ARNT2: variants seen among roughly 807,000 people sequenced by gnomAD.
The protein encoded by ARNT2 is ARNT protein 2.
A neutral mutation model predicts 91.7 loss-of-function variants in ARNT2; 36 were observed. The ratio of observed to expected loss-of-function variants is 0.39; its 90% CI spans 0.30 to 0.52. ARNT2 has a LOEUF of 0.52. Among genes scored for constraint, ARNT2 ranks in the 20% least tolerant of loss-of-function variants. The pLI, the probability that ARNT2 is intolerant of heterozygous loss-of-function variation, is 0.72. For missense variants in ARNT2, 775 were observed against 939.3 expected (o/e 0.83, Z 2.29); for synonymous variants, 365 against 347.1 (o/e 1.05, Z -0.57).
intron 1 of ARNT2, among the ~76,000 whole-genome samples, chr15:80,424,754 C>G (rs576927395): frequency 6.9e-6 from 1 of 144,908 alleles, no homozygotes; most frequent in East Asian, 2.0e-4. Flanking sequence ...ACAGTTTATA[C>G]TGTTTTCTTC....
chr15:80,444,667 T>C (rs1420004568), intron 1 of ARNT2: 2 of 151,706 alleles, frequency 1.3e-5, no homozygotes, highest in Non-Finnish European at 2.9e-5. Flanking sequence ...GTGTGAGTGG[T>C]GTGTGTAGGT....
Position 80,591,723 on chromosome 15 carries a change from G to A in ARNT2, c.2055+19G>A, listed in dbSNP as rs540496512. On this transcript the variant is annotated intron_variant, in intron 18 of 18. Coordinates refer to ENST00000303329, the MANE Select transcript of ARNT2 (RefSeq NM_014862.4). The surrounding 1 kb of genome is among the most constrained non-coding windows in gnomAD (Gnocchi z 5.1). ...GTTCCAGGTAAATCGAGCGAGCACC[G>A]CCTTCTCGTAGGTACCGGCGCCTTC... 8.1e-6 allele frequency: 13 copies of A among 1,613,526 alleles called. No homozygotes were observed. The highest frequency in any genetic ancestry group is 1.7e-4 in the Middle Eastern group (1 of 6,050).
At chr15:80,469,520 CTTATAT>C (rs1449959677) in intron 3 of ARNT2, among the ~76,000 whole-genome samples, 2 of 150,328 alleles carry the variant, frequency 1.3e-5, no homozygotes, top group Admixed American at 1.3e-4. Flanking sequence ...ATATTACATA[CTTATAT>C]TTATATATTA....
At chr15:80,490,089 T>A (rs953167975) in intron 5 of ARNT2, among the ~76,000 whole-genome samples, 1 of 152,122 alleles carries the variant, frequency 6.6e-6, no homozygotes, top group African/African-American at 2.4e-5. Context: ...CACACACTTT[T>A]GTAAGCACTC....
intron 1 of ARNT2, 134 bp from the exon 2 acceptor site, chr15:80,450,746 G>C: frequency 1.2e-6 from 1 of 838,966 alleles, no homozygotes. Context: ...AGCTGATGAT[G>C]GCAGAGCGGC....
intron 8 of ARNT2, among the ~76,000 whole-genome samples, chr15:80,547,916 T>G (rs1405359040): frequency 6.6e-6 from 1 of 152,150 alleles, no homozygotes; most frequent in African/African-American, 2.4e-5. Flanking sequence ...GTAAAAGATC[T>G]ATCTAAAGTG....
chr15:80,520,866 C>T (rs1009377303), intron 8 of ARNT2, among the ~76,000 whole-genome samples: 2 of 152,130 alleles, frequency 1.3e-5, no homozygotes, highest in African/African-American at 4.8e-5. Flanking sequence ...CTTGTGGCTG[C>T]AGAGTTTACC....
At chr15:80,576,116 A>G (rs1898669268) in intron 14 of ARNT2, among the ~76,000 whole-genome samples, 1 of 152,102 alleles carries the variant, frequency 6.6e-6, no homozygotes, top group African/African-American at 2.4e-5. Flanking sequence ...CCAAGGTTGC[A>G]CCTCTTACCT....
chr15:80,470,415 C>A lies in ARNT2; in HGVS notation c.392C>A (p.Ser131Tyr). Reference protein sequence around the residue: ...NKSTDGAYKPSFLTEQELKHL... With the variant: ...NKSTDGAYKPYFLTEQELKHL... ...TCCACCGATGGCGCGTACAAGCCTT[C>A]CTTCCTCACAGAGCAGGTACCCTGG... Residue 131 changes from serine (S) to tyrosine (Y), a missense_variant, in exon 4 of 19, where the codon TCC becomes TAC. By Grantham distance (144) the Ser-to-Tyr change is moderately radical (BLOSUM62 -2). This residue lies in a region of ARNT2 where 83 missense variants were observed against 149.4 expected (regional missense o/e 0.56). Transcript: ENST00000303329. 1 of 1,614,214 alleles carries A rather than the reference C, an allele frequency of 6.2e-7. No homozygotes were observed. Among genetic ancestry groups the A allele is most frequent in the Non-Finnish European group, 8.5e-7 (1 of 1,180,052 alleles).
intron 1 of ARNT2, chr15:80,443,045 C>G: frequency 1.0e-6 from 1 of 984,106 alleles, no homozygotes; most frequent in Non-Finnish European, 1.2e-6. Context: ...GAATGAATCA[C>G]CAGGGACCAG....
At chr15:80,506,739 A>G (rs1246090245) in intron 5 of ARNT2, among the ~76,000 whole-genome samples, 1 of 152,182 alleles carries the variant, frequency 6.6e-6, no homozygotes, top group African/African-American at 2.4e-5. Flanking sequence ...AAAGTCGCCA[A>G]GGGTCCCTGG....
intron 2 of ARNT2, among the ~76,000 whole-genome samples, chr15:80,454,556 G>C (rs916553621): frequency 3.3e-5 from 5 of 152,230 alleles, no homozygotes; most frequent in African/African-American, 1.2e-4. Context: ...GTAAGCAGCT[G>C]TTTCTCTTGG....
At chr15:80,412,768 T>G (rs1895705307) in intron 1 of ARNT2, among the ~76,000 whole-genome samples, 1 of 152,254 alleles carries the variant, frequency 6.6e-6, no homozygotes, top group African/African-American at 2.4e-5. Context: ...AATACATGAT[T>G]TTTTCCTTAT....
chr15:80,488,052 G>A (rs775993735), intron 5 of ARNT2, among the ~76,000 whole-genome samples: 1 of 152,138 alleles, frequency 6.6e-6, no homozygotes, highest in South Asian at 2.1e-4. Flanking sequence ...AGAACAAGCC[G>A]CTTCCCTCTA....
intron 8 of ARNT2, among the ~76,000 whole-genome samples, chr15:80,533,871 T>A (rs959305555): frequency 5.3e-5 from 8 of 152,208 alleles, no homozygotes; most frequent in Non-Finnish European, 1.0e-4. Flanking sequence ...AGAGGGACAG[T>A]TGTTGTGCCC....
At chr15:80,571,261 C>A (rs1482404812) in intron 12 of ARNT2, among the ~76,000 whole-genome samples, 1 of 152,160 alleles carries the variant, frequency 6.6e-6, no homozygotes, top group Non-Finnish European at 1.5e-5. Context: ...AGTTGCCTGT[C>A]AAAAGAAATG....
rs1274441630 is a variant in ARNT2, at chr15:80,460,009, AG to A, written c.194+2034del. ...TGGCTGCTGTCCAGGGGAGGAGTGG[AG>A]AATCTGCTTCCAATTGGCATGGAAC... On this transcript the variant is annotated intron_variant, in intron 3 of 18. Coordinates refer to ENST00000303329, the MANE Select transcript of ARNT2 (RefSeq NM_014862.4). Among the ~76,000 whole-genome samples the A allele has an allele frequency of 4.6e-5, 7 of 152,270 alleles. No homozygotes were observed. The East Asian group carries it at 1.4e-3, about 29-fold the overall frequency.
chr15:80,475,191 A>T lies in ARNT2; in HGVS notation c.590A>T (p.Glu197Val). The stretch of plus-strand genomic sequence containing the variant: ...CCTGATGACGTGGAGAAGCTGAGAG[A>T]GCAACTGTGCACCTCAGAAAACTCA... ...VHPDDVEKLR[E>V]QLCTSENSMT... The change falls in exon 5 of 19, where the codon GAG becomes GTG. Residue 197 changes from glutamate to valine, a missense_variant. Glu to Val is a moderately radical substitution (Grantham distance 121). This residue lies in a region of ARNT2 where 285 missense variants were observed against 327.2 expected (regional missense o/e 0.87). Coordinates refer to ENST00000303329, the MANE Select transcript of ARNT2 (RefSeq NM_014862.4). 1.2e-6 allele frequency: 2 copies of T among 1,614,110 alleles called. No individual in the cohort carries two copies. Among genetic ancestry groups the T allele is most frequent in the Non-Finnish European group, 1.7e-6 (2 of 1,180,042 alleles).
intron 5 of ARNT2, chr15:80,488,741 T>C: frequency 6.6e-6 from 1 of 152,148 alleles, no homozygotes; most frequent in East Asian, 1.9e-4. Context: ...TACAACCTAA[T>C]TTGTCCTTTA....
Sources: gnomAD v4.1 joint callset for allele counts (sites outside exome capture counted in the v4.1 genomes callset) on GRCh38, gnomAD v4.1.1 for gene constraint, gnomAD v4.1.1 regional missense constraint, Gnocchi (gnomAD v3.1) non-coding constraint, MANE v1.5 for transcripts, NCBI Gene and HGNC (gene_info 2026-07-23, HGNC 2026-07-21) for gene names.